The following SETD2 variants were observed in gnomAD, a reference collection of about 807,000 sequenced individuals.
The protein encoded by SETD2 is histone-lysine N-methyltransferase SETD2.
SETD2 carries 31 observed loss-of-function variants against 242.1 expected under a neutral mutation model. The ratio of observed to expected loss-of-function variants is 0.13; its 90% CI spans 0.10 to 0.17. SETD2 has a LOEUF of 0.17. Ranked by LOEUF, SETD2 falls within the 10% of genes least tolerant of loss-of-function variation. SETD2 has a pLI of 1.00. For synonymous variants in SETD2, 1,006 were observed against 1,066.5 expected, an observed-to-expected ratio of 0.94 and a Z score of 1.11; for missense variants, 2,481 against 3,046.3, an observed-to-expected ratio of 0.81 and a Z score of 4.37.
At chr3:47,080,701 G>A (rs1361681403) in intron 12 of SETD2, 2 of 634,682 alleles carry the variant, frequency 3.2e-6, no homozygotes, top group East Asian at 1.4e-4. Context: ...TGTGCTAGGT[G>A]ATGTTTCTGG....
intron 1 of SETD2, among the ~76,000 whole-genome samples, chr3:47,153,468 C>T (rs1261396492): frequency 2.0e-5 from 3 of 152,200 alleles, no homozygotes; most frequent in African/African-American, 4.8e-5. Flanking sequence ...CCACTTAAGG[C>T]CAGGCACAGG....
At chr3:47,070,769 A>G (rs2040786177) in intron 12 of SETD2, among the ~76,000 whole-genome samples, 1 of 152,250 alleles carries the variant, frequency 6.6e-6, no homozygotes, top group Non-Finnish European at 1.5e-5. Context: ...TTTCAAAATG[A>G]TAATTATATG....
intron 16 of SETD2, among the ~76,000 whole-genome samples, chr3:47,044,371 A>AAAAAAAAAAAAAAAAAAAC (rs2039424712): frequency 7.7e-6 from 1 of 129,798 alleles, no homozygotes; most frequent in Non-Finnish European, 1.7e-5. Flanking sequence ...AAAAAAAAAA[A>AAAAAAAAAAAAAAAAAAAC]AAAAAAAAAA....
Position 47,122,258 on chromosome 3 carries a change from A to T in SETD2, c.2378T>A (p.Ile793Lys), listed in dbSNP as rs2106673543. 6.2e-7 allele frequency: 1 copy of T among 1,614,104 alleles called. No homozygotes were observed. Among genetic ancestry groups the T allele is most frequent in the Non-Finnish European group, 8.5e-7 (1 of 1,179,968 alleles). The change falls in exon 3 of 21, where the codon ATA (isoleucine) becomes AAA (lysine). Residue 793 changes from isoleucine to lysine, a missense_variant. Ile to Lys is a moderately radical substitution (Grantham distance 102, BLOSUM62 -3). Transcript: ENST00000409792. ...GTTGCTATCGTTCAAAGTACAGTATATGTCTGAATCTTTGGTTTTGCAGCA... is the reference window on the plus strand; with the variant it reads ...GTTGCTATCGTTCAAAGTACAGTATTTGTCTGAATCTTTGGTTTTGCAGCA... ...VSCCKTKDSD[I>K]YCTLNDSNPS...
chr3:47,083,905 C>T lies in SETD2; in HGVS notation c.5875G>A (p.Glu1959Lys). The change falls in exon 12 of 21, where the codon GAA (glutamate) becomes AAA (lysine). Residue 1959 changes from glutamate (E) to lysine (K), a missense_variant. By Grantham distance (56) the Glu-to-Lys change is moderately conservative. Coordinates refer to ENST00000409792, the MANE Select transcript of SETD2 (RefSeq NM_014159.7). ...LPTSEPEADA[E>K]IEPKESNGTK... ...CCGTTGCTCTCTTTGGGCTCTATTT[C>T]AGCGTCAGCTTCTGGTTCAGATGTA... is the stretch of plus-strand genomic sequence containing the variant. 6.2e-7 allele frequency: 1 copy of T among 1,614,178 alleles called. No homozygotes were observed. The highest frequency in any genetic ancestry group is 1.1e-5 in the South Asian group (1 of 91,078).
At chr3:47,060,653 C>G (rs896283201) in intron 14 of SETD2, among the ~76,000 whole-genome samples, 4 of 151,988 alleles carry the variant, frequency 2.6e-5, no homozygotes, top group African/African-American at 9.7e-5. Flanking sequence ...ATTTAATTCT[C>G]TTAAAATACA....
intron 1 of SETD2, among the ~76,000 whole-genome samples, chr3:47,159,448 A>C (rs188531134): frequency 6.6e-5 from 10 of 152,306 alleles, no homozygotes; most frequent in Admixed American, 6.5e-4. Context: ...ATGTCATATT[A>C]GTTCCATCTT....
At chr3:47,115,531 A>G (rs1325713512) in intron 4 of SETD2, among the ~76,000 whole-genome samples, 1 of 152,184 alleles carries the variant, frequency 6.6e-6, no homozygotes, top group Non-Finnish European at 1.5e-5. Flanking sequence ...TTGCAACACT[A>G]TAACATGAGC....
chr3:47,076,559 C>T (rs1338873386), intron 12 of SETD2, among the ~76,000 whole-genome samples: 4 of 152,100 alleles, frequency 2.6e-5, no homozygotes, highest in Non-Finnish European at 5.9e-5. Context: ...ACTCTTACTA[C>T]AAAGATTAAA....
chr3:47,095,018 A>C (rs1387702278), intron 9 of SETD2, among the ~76,000 whole-genome samples: 1 of 152,228 alleles, frequency 6.6e-6, no homozygotes, highest in African/African-American at 2.4e-5. Context: ...TGGAGGTATG[A>C]TACAGATATA....
Position 47,083,823 on chromosome 3 carries a change from C to A in SETD2, c.5957G>T (p.Gly1986Val), listed in dbSNP as rs2107637983. 6.2e-7 allele frequency: 1 copy of A among 1,614,170 alleles called. No individual in the cohort carries two copies. The highest frequency in any genetic ancestry group is 8.5e-7 in the Non-Finnish European group (1 of 1,180,010). The change falls in exon 12 of 21, where the codon GGT becomes GTT. Residue 1986 changes from glycine to valine, a missense_variant. Physicochemically the swap from Gly to Val is moderately radical, Grantham distance 109 (BLOSUM62 -3). Around this residue, in one of 17 missense-constraint regions of SETD2, gnomAD observed 203 missense variants for 222.4 expected, o/e 0.91. Coordinates refer to ENST00000409792, the MANE Select transcript of SETD2 (RefSeq NM_014159.7). ...CCTTTCACTCTCCACATCAGACACA[C>A]CCTCCTCTTCATCTTGGGATGGTGT... is the stretch of plus-strand genomic sequence containing the variant. ...EETPSQDEEE[G>V]VSDVESERSQ...
intron 9 of SETD2, among the ~76,000 whole-genome samples, chr3:47,093,030 A>C (rs2041866935): frequency 6.6e-6 from 1 of 152,174 alleles, no homozygotes; most frequent in Non-Finnish European, 1.5e-5. Context: ...ACTTTATTAG[A>C]AATGAAAGGT....
At chr3:47,151,554 A>T (rs1180339514) in intron 1 of SETD2, among the ~76,000 whole-genome samples, 3 of 152,078 alleles carry the variant, frequency 2.0e-5, no homozygotes, top group Non-Finnish European at 4.4e-5. Flanking sequence ...CATGCCGCGT[A>T]CAGTGGCTCA....
intron 1 of SETD2, among the ~76,000 whole-genome samples, chr3:47,130,213 C>T (rs2043445922): frequency 6.6e-6 from 1 of 152,124 alleles, no homozygotes; most frequent in South Asian, 2.1e-4. Flanking sequence ...ATTAAAATAA[C>T]TGACCTAAAG....
In SETD2 at chr3:47,059,001, G is replaced by A. The variant is rs567340170; in HGVS notation, c.6294-1511C>T. 7.2e-5 allele frequency among the ~76,000 whole-genome samples: 11 copies of A among 151,808 alleles called. No individual in the cohort carries two copies. In the South Asian group the frequency reaches 2.1e-3, roughly 29 times the overall value. On this transcript the variant is annotated intron_variant, in intron 14 of 20. Coordinates refer to ENST00000409792, the MANE Select transcript of SETD2 (RefSeq NM_014159.7). ...TGTTGTTGTATTTTTAGTAGAGACA[G>A]GGTTTCACAGTGTTTGCCAGGTTGG...
intron 19 of SETD2, among the ~76,000 whole-genome samples, chr3:47,019,121 T>C (rs1278907688): frequency 6.6e-6 from 1 of 152,246 alleles, no homozygotes; most frequent in Non-Finnish European, 1.5e-5. Context: ...GTCTTGATGG[T>C]TGGTAAGACA....
Position 47,120,663 on chromosome 3 carries a change from C to T in SETD2, c.3973G>A (p.Gly1325Arg), listed in dbSNP as rs377604174. ...TCTGTTAGGGAATCTGGTACTTGTC[C>T]TTGAGTTCGATCATACACAACCCCA... ...GTGVVYDRTQ[G>R]QVPDSLTDDR... Residue 1325 changes from glycine (G) to arginine (R), a missense_variant, in exon 3 of 21, where the codon GGA becomes AGA. Physicochemically the swap from Gly to Arg is moderately radical, Grantham distance 125 (BLOSUM62 -2). Coordinates refer to ENST00000409792, the MANE Select transcript of SETD2 (RefSeq NM_014159.7). The T allele has an allele frequency of 1.2e-6, 2 of 1,613,940 alleles. No homozygotes were observed. The highest frequency in any genetic ancestry group is 1.7e-6 in the Non-Finnish European group (2 of 1,180,034).
intron 1 of SETD2, among the ~76,000 whole-genome samples, chr3:47,137,446 C>G (rs1232614363): frequency 1.1e-4 from 17 of 152,096 alleles, no homozygotes. Context: ...CCACCTCAGC[C>G]ACCCAAAGTG....
intron 16 of SETD2, among the ~76,000 whole-genome samples, chr3:47,045,163 G>A (rs1026109339): frequency 8.5e-5 from 13 of 152,080 alleles, no homozygotes; most frequent in African/African-American, 2.7e-4. Context: ...TGAAGCGGGC[G>A]GATCATGAGG....
Sources: gnomAD v4.1 joint callset for allele counts (sites outside exome capture counted in the v4.1 genomes callset) on GRCh38, gnomAD v4.1.1 for gene constraint, gnomAD v4.1.1 regional missense constraint, MANE v1.5 for transcripts, NCBI Gene and HGNC (gene_info 2026-07-23, HGNC 2026-07-21) for gene names.